HIPK2: variants seen among roughly 807,000 people sequenced by gnomAD.
HIPK2 encodes homeodomain-interacting protein kinase 2.
A neutral mutation model predicts 113.7 loss-of-function variants in HIPK2; 27 were observed. That is an observed-to-expected ratio of 0.24 (90% CI 0.17 to 0.33). The LOEUF (loss-of-function observed/expected upper bound fraction) is 0.33, where lower values mean the gene tolerates loss of function less well. HIPK2 is among the 10% of genes least tolerant of loss of function. The pLI, the probability that HIPK2 is intolerant of heterozygous loss-of-function variation, is 1.00. For missense variants in HIPK2, 1,257 were observed against 1,588.0 expected (o/e 0.79, Z 3.54); for synonymous variants, 631 against 642.2 (o/e 0.98, Z 0.26).
intron 2 of HIPK2, among the ~76,000 whole-genome samples, chr7:139,705,474 TC>T (rs1794863837): frequency 6.6e-6 from 1 of 152,120 alleles, no homozygotes; most frequent in Admixed American, 6.5e-5. Flanking sequence ...CCTCCTGGGT[TC>T]ATGCCATTCT....
chr7:139,644,156 T>A (rs1482630496), intron 2 of HIPK2, among the ~76,000 whole-genome samples: 1 of 152,266 alleles, frequency 6.6e-6, no homozygotes, highest in Non-Finnish European at 1.5e-5. Context: ...AGGCTCTTTT[T>A]AAATGTTTTT....
chr7:139,614,256 A>T, intron 8 of HIPK2, 30 bp downstream of exon 8: 4 of 1,395,926 alleles, frequency 2.9e-6, no homozygotes, highest in Non-Finnish European at 3.8e-6. Context: ...TGTAAGAAGC[A>T]GGTGAGAGGC....
At chr7:139,654,986 C>T (rs73156873) in intron 2 of HIPK2, among the ~76,000 whole-genome samples, 8,843 of 152,274 alleles carry the variant, frequency 0.058, 327 homozygotes, top group African/African-American at 0.11. Context: ...CTATCACTGC[C>T]TTCCTCCCGA....
intron 1 of HIPK2, among the ~76,000 whole-genome samples, chr7:139,754,953 A>C (rs1796340750): frequency 6.6e-6 from 1 of 152,208 alleles, no homozygotes; most frequent in Non-Finnish European, 1.5e-5. Flanking sequence ...CCACCACGGC[A>C]CAGAGATCTC....
intron 13 of HIPK2, among the ~76,000 whole-genome samples, chr7:139,576,414 C>T (rs1325918789): frequency 6.6e-6 from 1 of 152,208 alleles, no homozygotes; most frequent in Non-Finnish European, 1.5e-5. Context: ...TTCTGACAAG[C>T]TCCCAGGGGG....
Position 139,567,897 on chromosome 7 carries a change from G to C in HIPK2, c.*5030C>G, listed in dbSNP as rs1459729278. The C allele has an allele frequency of 6.6e-6, 1 of 152,272 alleles. No individual in the cohort carries two copies. Among genetic ancestry groups the C allele is most frequent in the Non-Finnish European group, 1.5e-5 (1 of 68,096 alleles). 9.4% of individuals were successfully genotyped at this position (152,272 alleles called of 1,614,324 possible). A position where few individuals can be genotyped will look rare whatever the true frequency, so the allele number is the denominator to read the frequency against. On this transcript the variant is annotated 3_prime_UTR_variant, in exon 15 of 15. Coordinates refer to ENST00000406875, the MANE Select transcript of HIPK2 (RefSeq NM_022740.5). ...CACCCTGCCCTCAGCATCAGACAAAGAGAACCTGGGACAAAAGCTGGGGCG... is the reference window on the plus strand; with the variant it reads ...CACCCTGCCCTCAGCATCAGACAAACAGAACCTGGGACAAAAGCTGGGGCG...
At chr7:139,660,293 T>TTTG (rs746119400) in intron 2 of HIPK2, among the ~76,000 whole-genome samples, 96 of 141,198 alleles carry the variant, frequency 6.8e-4, no homozygotes, top group South Asian at 2.2e-3. Flanking sequence ...CAACCAATTT[T>TTTG]TTGTTGTTGT....
At chr7:139,699,227 CATCTCCTGAAAAAG>C (rs1486074953) in intron 2 of HIPK2, among the ~76,000 whole-genome samples, 1 of 152,218 alleles carries the variant, frequency 6.6e-6, no homozygotes, top group African/African-American at 2.4e-5. Context: ...GCAGGGAGTA[CATCTCCTGAAAAAG>C]ATCTCCCTTC....
chr7:139,771,805 C>T (rs946085093), intron 1 of HIPK2, among the ~76,000 whole-genome samples: 1 of 151,996 alleles, frequency 6.6e-6, no homozygotes, highest in Non-Finnish European at 1.5e-5. Context: ...GACACAAAAC[C>T]GGCTCTGTGA....
At position 139,745,649 on chromosome 7, in the gene HIPK2, C is replaced by T. The variant is rs540033600; in HGVS notation, c.20-28634G>A. On this transcript the variant is annotated intron_variant, in intron 1 of 14. Coordinates refer to ENST00000406875, the MANE Select transcript of HIPK2 (RefSeq NM_022740.5). ...TGTTCCTCCTCTTGTTTTCTCTTTC[C>T]CCCAGGACTATCATTCGCATTCCCC... 6.6e-5 allele frequency among the ~76,000 whole-genome samples: 10 copies of T among 152,260 alleles called. No homozygotes were observed. In the South Asian group the frequency reaches 1.9e-3, roughly 28 times the overall value.
chr7:139,657,450 G>C (rs760688991), intron 2 of HIPK2, among the ~76,000 whole-genome samples: 1 of 152,180 alleles, frequency 6.6e-6, no homozygotes, highest in Non-Finnish European at 1.5e-5. Context: ...TATCTACGCT[G>C]AGCTTATCAG....
At chr7:139,610,884 AT>A (rs1162765007) in intron 9 of HIPK2, among the ~76,000 whole-genome samples, 1 of 152,210 alleles carries the variant, frequency 6.6e-6, no homozygotes, top group African/African-American at 2.4e-5. Context: ...GAATTTAGAA[AT>A]GGATACCACA....
chr7:139,675,536 T>C (rs573862674), intron 2 of HIPK2, among the ~76,000 whole-genome samples: 4 of 152,162 alleles, frequency 2.6e-5, no homozygotes, highest in African/African-American at 9.6e-5. Context: ...GGTGGGGAGG[T>C]GGCAGCAAAA....
Position 139,588,568 on chromosome 7 carries a change from G to A in HIPK2, c.2718-4504C>T, listed in dbSNP as rs1026470390. Among the ~76,000 whole-genome samples the A allele has an allele frequency of 7.9e-5, 12 of 151,366 alleles. 1 individual carries two copies. Among genetic ancestry groups the A allele is most frequent in the Admixed American group, 4.0e-4 (6 of 15,182 alleles). ...CAATAACAACAAAAAAGAATATCTC[G>A]AAATATTTTATAAATATAAATTAAG... On this transcript the variant is annotated intron_variant, in intron 12 of 14. Coordinates refer to ENST00000406875, the MANE Select transcript of HIPK2 (RefSeq NM_022740.5).
At chr7:139,704,548 G>A (rs1794834002) in intron 2 of HIPK2, among the ~76,000 whole-genome samples, 2 of 150,160 alleles carry the variant, frequency 1.3e-5, no homozygotes, top group African/African-American at 2.5e-5. Flanking sequence ...CATACACACA[G>A]CAACATATAC....
Position 139,631,490 on chromosome 7 carries a change from C to T in HIPK2, c.1227+112G>A, listed in dbSNP as rs991999543. The T allele has an allele frequency of 1.7e-5, 25 of 1,485,254 alleles. No homozygotes were observed. Among genetic ancestry groups the T allele is most frequent in the Middle Eastern group, 2.0e-4 (1 of 5,050 alleles). The allele number at this position is 1,485,254 out of a possible 1,614,324, so 92.0% of individuals were successfully genotyped here. On this transcript the variant is annotated intron_variant, in intron 3 of 14. Transcript: ENST00000406875. This position sits in a 1 kb window ranked among gnomAD's most constrained non-coding sequence, Gnocchi z 4.9. Reference sequence around the variant, plus strand: ...AAGGGAAGCAAGGTTTGGGAGACAACGTGACATTCCACAGTCCCGCCCATT... The same window carrying T: ...AAGGGAAGCAAGGTTTGGGAGACAATGTGACATTCCACAGTCCCGCCCATT...
intron 11 of HIPK2, among the ~76,000 whole-genome samples, chr7:139,597,792 AGT>A (rs1374068424): frequency 5.9e-5 from 9 of 152,154 alleles, no homozygotes; most frequent in Admixed American, 1.3e-4. Flanking sequence ...TAAATTAACC[AGT>A]GTGATTTTTG....
intron 9 of HIPK2, 62 bp from the exon 10 acceptor site, chr7:139,604,285 A>C (rs1451974351): frequency 1.3e-6 from 2 of 1,552,490 alleles, no homozygotes; most frequent in African/African-American, 2.7e-5. Context: ...ATTTGCATGA[A>C]CCCACACTTA....
Position 139,677,015 on chromosome 7 carries a change from C to A in HIPK2, c.1103+38917G>T, listed in dbSNP as rs942500533. Among the ~76,000 whole-genome samples, 10 of 151,956 alleles carry A rather than the reference C, an allele frequency of 6.6e-5. 1 individual carries two copies. The highest frequency in any genetic ancestry group is 6.6e-4 in the Admixed American group (10 of 15,258). ...TAGCTGGGATTACAGGCATGCACCA[C>A]CACACCTGGCTAATTTTGCATTTTT... On this transcript the variant is annotated intron_variant, in intron 2 of 14. Coordinates refer to ENST00000406875, the MANE Select transcript of HIPK2 (RefSeq NM_022740.5).
Sources: gnomAD v4.1 joint callset for allele counts (sites outside exome capture counted in the v4.1 genomes callset) on GRCh38, gnomAD v4.1.1 for gene constraint, Gnocchi (gnomAD v3.1) non-coding constraint, MANE v1.5 for transcripts, NCBI Gene and HGNC (gene_info 2026-07-23, HGNC 2026-07-21) for gene names.